Variants in NOTCH2NLR observed in about 807,000 individuals in gnomAD.
NOTCH2NLR encodes notch 2 N-terminal like R (pseudogene).
NOTCH2NLR carries 33 observed loss-of-function variants against 35.6 expected under a neutral mutation model. That is an observed-to-expected ratio of 0.93 (90% CI 0.70 to 1.24). The LOEUF is 1.24. Among genes scored for constraint, NOTCH2NLR ranks in the 50% most tolerant of loss-of-function variants. The pLI is 0.00. For missense variants in NOTCH2NLR, 276 were observed against 362.2 expected (o/e 0.76, Z 1.93); for synonymous variants, 103 against 141.0 (o/e 0.73, Z 1.91).
rs1221518025 is a variant in NOTCH2NLR, at chr1:120,763,691, G to T, written c.137G>T (p.Ser46Ile). ...AAAGGAATGTGTGTTACCTACCACA[G>T]TGGCACAGGATACTGCAAGTAAGTT... The change falls in exon 2 of 5, where the codon AGT becomes ATT. Residue 46 changes from serine (S) to isoleucine (I), a missense_variant. Physicochemically the swap from Ser to Ile is moderately radical, Grantham distance 142. Transcript: ENST00000624419. The T allele has an allele frequency of 2.4e-5, 34 of 1,392,792 alleles. 7 individuals are homozygous for T. The highest frequency in any genetic ancestry group is 2.9e-5 in the Non-Finnish European group (30 of 1,036,204). The allele number at this position is 1,392,792 out of a possible 1,614,324, so 86.3% of individuals were successfully genotyped here.
chr1:120,763,723 T>C lies in NOTCH2NLR; in HGVS notation c.155+14T>C, dbSNP rs1402093892. ...AGGATACTGCAAGTAAGTTTTTCTCTTCATATATTTTCTTTTTGCGATAGA... is the reference window on the plus strand; with the variant it reads ...AGGATACTGCAAGTAAGTTTTTCTCCTCATATATTTTCTTTTTGCGATAGA... On this transcript the variant is annotated intron_variant, in intron 2 of 4. Coordinates refer to ENST00000624419, the Ensembl canonical transcript of NOTCH2NLR. 8.6e-6 allele frequency: 10 copies of C among 1,162,984 alleles called. 3 individuals are homozygous for C. Among genetic ancestry groups the C allele is most frequent in the Middle Eastern group, 3.9e-4 (2 of 5,130 alleles). 72.0% of individuals were successfully genotyped at this position (1,162,984 alleles called of 1,614,324 possible). A position where few individuals can be genotyped will look rare whatever the true frequency, so the allele number is the denominator to read the frequency against.
exon 4 of NOTCH2NLR, chr1:120,793,466 G>A (rs1651518242): frequency 1.4e-6 from 2 of 1,426,980 alleles, no homozygotes; most frequent in South Asian, 1.2e-5. Flanking sequence ...GCAGACTGGT[G>A]ACTTCACTTT....
chr1:120,752,546 A>T (rs1651030275), intron 1 of NOTCH2NLR, among the ~76,000 whole-genome samples: 2 of 12,762 alleles, frequency 1.6e-4, no homozygotes, highest in Non-Finnish European at 1.4e-4. Context: ...ATATATATAT[A>T]TATATATATT....
At position 120,790,241 on chromosome 1, in the gene NOTCH2NLR, C is replaced by T; in HGVS notation, c.416-2920C>T. ...TTGTTAGCCAGAATGGTCTGGATCG[C>T]CTGACCTCATGATCCACCCGCCTCG... On this transcript the variant is annotated intron_variant, in intron 3 of 4. Coordinates refer to ENST00000624419, the Ensembl canonical transcript of NOTCH2NLR. Among the ~76,000 whole-genome samples the T allele has an allele frequency of 1.9e-5, 2 of 106,510 alleles. 1 individual carries two copies. The highest frequency in any genetic ancestry group is 4.5e-4 in the East Asian group (2 of 4,398). The allele number at this position is 106,510 out of a possible 152,430, so 69.9% of individuals were successfully genotyped here.
chr1:120,769,590 A>G (rs1651237720), intron 2 of NOTCH2NLR, among the ~76,000 whole-genome samples: 2 of 122,560 alleles, frequency 1.6e-5, no homozygotes, highest in South Asian at 2.4e-4. Context: ...TTTTTGGCTC[A>G]TTAAATACCT....
Position 120,785,001 on chromosome 1 carries a change from T to C in NOTCH2NLR, c.183T>C (p.Tyr61=), listed in dbSNP as rs1296592364. 649 of 1,423,014 alleles carry C rather than the reference T, an allele frequency of 4.6e-4. 144 individuals carry two copies. In the South Asian group the frequency reaches 7.4e-3, roughly 16 times the overall value. 88.1% of individuals were successfully genotyped at this position (1,423,014 alleles called of 1,614,324 possible). ...GTCCAGAAGGCTTCTTGGGGGAATA[T>C]TGTCAACATCGAGACCCCTGTGAGA... Residue 61 remains tyrosine (Y), a synonymous_variant, in exon 3 of 5, where the codon TAT becomes TAC. Transcript: ENST00000624419.
rs1202771344 is a variant in NOTCH2NLR at position 120,775,698 on chromosome 1, A to AT, written c.156-9262dup. Among the ~76,000 whole-genome samples, 186 of 53,946 alleles carry AT rather than the reference A, an allele frequency of 3.4e-3. 3 individuals are homozygous for AT. Among genetic ancestry groups the AT allele is most frequent in the African/African-American group, 6.6e-3 (32 of 4,816 alleles). The allele number at this position is 53,946 out of a possible 152,430, so 35.4% of individuals were successfully genotyped here. A position where few individuals can be genotyped will look rare whatever the true frequency, so the allele number is the denominator to read the frequency against. ...CATGCTATTGAGACCACTTTGTAGG[A>AT]TTTTTTTTTTTTTTAGTCAGGGCTC... is the stretch of plus-strand genomic sequence containing the variant. On this transcript the variant is annotated intron_variant, in intron 2 of 4. Transcript: ENST00000624419.
rs1449791984 is a variant in NOTCH2NLR, at chr1:120,760,273, C to T, written c.74-3355C>T. ...AGCAATCTCGGCTCACTGCAACCTC[C>T]GCCCCCCAGGTTCAAGTGATTCTCC... On this transcript the variant is annotated intron_variant, in intron 1 of 4. Coordinates refer to ENST00000624419, the Ensembl canonical transcript of NOTCH2NLR. 1.2e-4 allele frequency among the ~76,000 whole-genome samples: 9 copies of T among 76,566 alleles called. 1 individual carries two copies. In the South Asian group the frequency reaches 1.5e-3, roughly 12 times the overall value. The allele number at this position is 76,566 out of a possible 152,430, so 50.2% of individuals were successfully genotyped here.
In NOTCH2NLR at chr1:120,790,392, G is replaced by T. The variant is rs1157262178; in HGVS notation, c.416-2769G>T. 8.7e-5 allele frequency among the ~76,000 whole-genome samples: 10 copies of T among 114,796 alleles called. 4 individuals are homozygous for T. The highest frequency in any genetic ancestry group is 1.3e-4 in the Non-Finnish European group (8 of 60,396). 75.3% of individuals were successfully genotyped at this position (114,796 alleles called of 152,430 possible). A position where few individuals can be genotyped will look rare whatever the true frequency, so the allele number is the denominator to read the frequency against. On this transcript the variant is annotated intron_variant, in intron 3 of 4. Transcript: ENST00000624419. Reference sequence around the variant, plus strand: ...ATCACAGATCAAGGTCATCCTTTTGGTTTTTGTGATAGCACTATACCTCAG... The same window carrying T: ...ATCACAGATCAAGGTCATCCTTTTGTTTTTTGTGATAGCACTATACCTCAG...
At position 120,778,028 on chromosome 1, in the gene NOTCH2NLR, AC is replaced by A. The variant is rs1651317773; in HGVS notation, c.156-6945del. On this transcript the variant is annotated intron_variant, in intron 2 of 4. Transcript: ENST00000624419. ...CTTGGGAATTGAATGTTACATAGGA[AC>A]TTTCACTGGTTCCAGCTAGCCTTGG... 2.4e-5 allele frequency among the ~76,000 whole-genome samples: 2 copies of A among 82,584 alleles called. 1 individual carries two copies. The highest frequency in any genetic ancestry group is 4.2e-5 in the Non-Finnish European group (2 of 47,908). 54.2% of individuals were successfully genotyped at this position (82,584 alleles called of 152,430 possible). A position where few individuals can be genotyped will look rare whatever the true frequency, so the allele number is the denominator to read the frequency against.
At position 120,785,253 on chromosome 1, in the gene NOTCH2NLR, C is replaced by A; in HGVS notation, c.415+20C>A. On this transcript the variant is annotated intron_variant, in intron 3 of 4. Transcript: ENST00000624419. The stretch of plus-strand genomic sequence containing the variant: ...TTACAGGTAACTAATGAGACCAAAG[C>A]CAGTGCTTCCCTACCTTCAGCAGAT... 14 of 1,442,814 alleles carry A rather than the reference C, an allele frequency of 9.7e-6. 4 individuals are homozygous for A. The highest frequency in any genetic ancestry group is 1.2e-5 in the Non-Finnish European group (13 of 1,079,646). 89.4% of individuals were successfully genotyped at this position (1,442,814 alleles called of 1,614,324 possible).
chr1:120,768,225 T>C (rs1651216060), intron 2 of NOTCH2NLR, among the ~76,000 whole-genome samples: 1 of 114,454 alleles, frequency 8.7e-6, no homozygotes, highest in Admixed American at 8.3e-5. Context: ...GATGGGACCC[T>C]TCTAGGGGTT....
intron 2 of NOTCH2NLR, among the ~76,000 whole-genome samples, chr1:120,765,648 A>G (rs1397689506): frequency 2.4e-5 from 2 of 81,998 alleles, no homozygotes; most frequent in Non-Finnish European, 4.6e-5. Context: ...CCAAAGGATT[A>G]TAAATCATTC....
intron 1 of NOTCH2NLR, among the ~76,000 whole-genome samples, chr1:120,750,968 ATAT>A (rs1199648635): frequency 2.2e-5 from 2 of 90,270 alleles, no homozygotes; most frequent in Non-Finnish European, 4.0e-5. Flanking sequence ...AGGAGGAGAA[ATAT>A]TATTTAATCA....
Position 120,745,186 on chromosome 1 carries a change from A to G in NOTCH2NLR, c.74-18442A>G, listed in dbSNP as rs1487709351. Among the ~76,000 whole-genome samples the G allele has an allele frequency of 1.1e-4, 12 of 110,222 alleles. 2 individuals carry two copies. Among genetic ancestry groups the G allele is most frequent in the African/African-American group, 6.0e-4 (11 of 18,378 alleles). The allele number at this position is 110,222 out of a possible 152,430, so 72.3% of individuals were successfully genotyped here. ...TGGGCCTGTCTAATTGCAAAGCCAC[A>G]TTCTTTACTGCACGCTTTAGTCCAT... On this transcript the variant is annotated intron_variant, in intron 1 of 4. Transcript: ENST00000624419.
At chr1:120,784,619 C>A (rs1651400969) in intron 2 of NOTCH2NLR, among the ~76,000 whole-genome samples, 1 of 118,462 alleles carries the variant, frequency 8.4e-6, no homozygotes, top group Non-Finnish European at 1.6e-5. Context: ...TTGCTCACCC[C>A]ACACCCTCAT....
intron 2 of NOTCH2NLR, among the ~76,000 whole-genome samples, chr1:120,770,284 C>G (rs1651247937): frequency 9.3e-6 from 1 of 107,204 alleles, no homozygotes. Flanking sequence ...ATTCTCCTGC[C>G]TCAGCCTCTC....
rs1177215966 is a variant in NOTCH2NLR at position 120,728,830 on chromosome 1, C to G, written c.73+4580C>G. On this transcript the variant is annotated intron_variant, in intron 1 of 4. Transcript: ENST00000624419. ...ATATTTGCTTTTTTTTTTTTTGAAC[C>G]AAGAGAGTCCCCTGAACACCCTACT... is the stretch of plus-strand genomic sequence containing the variant. Among the ~76,000 whole-genome samples the G allele has an allele frequency of 8.0e-4, 87 of 108,482 alleles. 11 individuals are homozygous for G. Among genetic ancestry groups the G allele is most frequent in the Non-Finnish European group, 1.9e-4 (11 of 58,474 alleles). The allele number at this position is 108,482 out of a possible 152,430, so 71.2% of individuals were successfully genotyped here. A position where few individuals can be genotyped will look rare whatever the true frequency, so the allele number is the denominator to read the frequency against.
In NOTCH2NLR at chr1:120,745,120, CA is replaced by C. The variant is rs1180453854; in HGVS notation, c.74-18495del. 4.4e-4 allele frequency among the ~76,000 whole-genome samples: 16 copies of C among 36,578 alleles called. 2 individuals are homozygous for C. Among genetic ancestry groups the C allele is most frequent in the Non-Finnish European group, 4.3e-4 (9 of 21,168 alleles). The allele number at this position is 36,578 out of a possible 152,430, so 24.0% of individuals were successfully genotyped here. A position where few individuals can be genotyped will look rare whatever the true frequency, so the allele number is the denominator to read the frequency against. ...GGGTGACAGAGCAAGATCCTGTCTC[CA>C]AAAAAAAAAAAACAAAAAAAAAACA... On this transcript the variant is annotated intron_variant, in intron 1 of 4. Transcript: ENST00000624419.
Sources: gnomAD v4.1 joint callset for allele counts (sites outside exome capture counted in the v4.1 genomes callset) on GRCh38, gnomAD v4.1.1 for gene constraint, MANE v1.5 for transcripts, NCBI Gene and HGNC (gene_info 2026-07-23, HGNC 2026-07-21) for gene names.